Variants in FTO observed in about 807,000 individuals in gnomAD.
FTO encodes FTO alpha-ketoglutarate dependent dioxygenase.
In FTO, 47 loss-of-function variants were observed where a neutral mutation model predicts 63.9. The ratio of observed to expected loss-of-function variants is 0.74; its 90% CI spans 0.58 to 0.94. The LOEUF (loss-of-function observed/expected upper bound fraction) is 0.94, where lower values mean the gene tolerates loss of function less well. FTO is among the 40% of genes least tolerant of loss of function. The pLI, the probability that FTO is intolerant of heterozygous loss-of-function variation, is 0.00. For missense variants in FTO, 562 were observed against 618.1 expected (o/e 0.91, Z 0.96); for synonymous variants, 207 against 224.4 (o/e 0.92, Z 0.69).
At chr16:53,773,861 G>A (rs2077399688) in intron 1 of FTO, among the ~76,000 whole-genome samples, 1 of 152,150 alleles carries the variant, frequency 6.6e-6, no homozygotes, top group South Asian at 2.1e-4. Flanking sequence ...AATAGCTGCT[G>A]GAATAATTGG....
intron 1 of FTO, among the ~76,000 whole-genome samples, chr16:53,719,612 A>ACTATATTT (rs2075987587): frequency 6.9e-6 from 1 of 145,426 alleles, no homozygotes; most frequent in Non-Finnish European, 1.5e-5. Context: ...TTAAAAATTG[A>ACTATATTT]CTATATTTGC....
chr16:54,068,714 A>G (rs976012575), intron 8 of FTO, among the ~76,000 whole-genome samples: 4 of 152,106 alleles, frequency 2.6e-5, no homozygotes, highest in Non-Finnish European at 5.9e-5. Context: ...TTTACTACTT[A>G]CAATGGGGAT....
At chr16:53,774,169 A>T (rs566377143) in intron 1 of FTO, among the ~76,000 whole-genome samples, 1 of 152,248 alleles carries the variant, frequency 6.6e-6, no homozygotes, top group South Asian at 2.1e-4. Context: ...CTTTAGCTGG[A>T]CCACTAACTT....
intron 8 of FTO, among the ~76,000 whole-genome samples, chr16:53,944,686 T>C (rs770260290): frequency 6.6e-6 from 1 of 152,210 alleles, no homozygotes; most frequent in African/African-American, 2.4e-5. Context: ...TTTTCTCGTT[T>C]GTTATTTGCC....
At chr16:53,770,002 C>G (rs1318186174) in intron 1 of FTO, among the ~76,000 whole-genome samples, 2 of 152,002 alleles carry the variant, frequency 1.3e-5, no homozygotes, top group Non-Finnish European at 2.9e-5. Context: ...TGTTCACATT[C>G]CATTGGCCAG....
intron 6 of FTO, among the ~76,000 whole-genome samples, chr16:53,882,951 C>T (rs969888247): frequency 3.3e-5 from 5 of 152,098 alleles, no homozygotes; most frequent in Non-Finnish European, 2.9e-5. Context: ...ACTTGCTGCC[C>T]TTCATTGTGC....
At chr16:53,706,943 G>A (rs1231602396) in intron 1 of FTO, among the ~76,000 whole-genome samples, 2 of 152,188 alleles carry the variant, frequency 1.3e-5, no homozygotes, top group Admixed American at 1.3e-4. Flanking sequence ...TCACCTAAGA[G>A]TCTTTACATT....
At chr16:53,779,281 A>G (rs571608247) in intron 1 of FTO, among the ~76,000 whole-genome samples, 32 of 152,084 alleles carry the variant, frequency 2.1e-4, no homozygotes, top group Non-Finnish European at 4.4e-4. Context: ...GGGGCACATC[A>G]TTGCAACAAT....
At chr16:53,899,630 CAG>C (rs2081354309) in intron 7 of FTO, among the ~76,000 whole-genome samples, 2 of 152,154 alleles carry the variant, frequency 1.3e-5, no homozygotes, top group Admixed American at 1.3e-4. Flanking sequence ...ACACTTCAGA[CAG>C]ATCCCAGGAA....
intron 5 of FTO, among the ~76,000 whole-genome samples, chr16:53,875,281 A>ACGTC (rs899563618): frequency 1.2e-4 from 19 of 152,274 alleles, no homozygotes; most frequent in African/African-American, 4.3e-4. Context: ...GCGCCCTTCT[A>ACGTC]CGTCTTTCCT....
intron 1 of FTO, among the ~76,000 whole-genome samples, chr16:53,750,848 T>C (rs1225519744): frequency 6.6e-6 from 1 of 152,210 alleles, no homozygotes; most frequent in African/African-American, 2.4e-5. Context: ...TTGATTGAAT[T>C]GCACACAGAA....
chr16:53,789,753 C>CATATATATATAT (rs143403033), intron 1 of FTO, among the ~76,000 whole-genome samples: 6 of 147,192 alleles, frequency 4.1e-5, no homozygotes, highest in East Asian at 2.0e-4. Context: ...CTGGAACATA[C>CATATATATATAT]ATATATATAT....
chr16:53,840,026 A>G (rs1406810127), intron 3 of FTO, among the ~76,000 whole-genome samples: 2 of 151,840 alleles, frequency 1.3e-5, no homozygotes, highest in African/African-American at 4.8e-5. Context: ...GATGGTCTCA[A>G]TCTCCTGACC....
At chr16:53,948,231 A>T (rs908890952) in intron 8 of FTO, among the ~76,000 whole-genome samples, 1 of 152,174 alleles carries the variant, frequency 6.6e-6, no homozygotes, top group Non-Finnish European at 1.5e-5. Flanking sequence ...GGACACATGG[A>T]ATAGTGAATT....
intron 8 of FTO, among the ~76,000 whole-genome samples, chr16:53,969,935 C>T (rs987530102): frequency 4.6e-5 from 7 of 152,106 alleles, no homozygotes; most frequent in African/African-American, 1.2e-4. Flanking sequence ...TTGCTAAGCA[C>T]GGAGGAGGAG....
rs186044883 is a variant in FTO at position 53,997,103 on chromosome 16, A to G, written c.1364+62994A>G. Among the ~76,000 whole-genome samples, 184 of 150,166 alleles carry G rather than the reference A, an allele frequency of 1.2e-3. 1 individual carries two copies. The highest frequency in any genetic ancestry group is 2.2e-3 in the Non-Finnish European group (152 of 67,628). ...ACTCCAGGCAATGGAGTGGAGCAAG[A>G]CTCTATCTAAAGAAAAAAAAGAAAG... On this transcript the variant is annotated intron_variant, in intron 8 of 8. Transcript: ENST00000471389.
chr16:53,950,317 G>A (rs1259463644), intron 8 of FTO, among the ~76,000 whole-genome samples: 1 of 152,042 alleles, frequency 6.6e-6, no homozygotes, highest in African/African-American at 2.4e-5. Context: ...CCTCGTTACT[G>A]AGAAATTTAA....
chr16:53,734,645 G>A (rs2076348515), intron 1 of FTO, among the ~76,000 whole-genome samples: 1 of 152,240 alleles, frequency 6.6e-6, no homozygotes, highest in Admixed American at 6.5e-5. Flanking sequence ...TGTCTGGAAG[G>A]AGGAAGTTCT....
intron 7 of FTO, among the ~76,000 whole-genome samples, chr16:53,905,544 C>T (rs1433283840): frequency 6.6e-6 from 1 of 152,150 alleles, no homozygotes; most frequent in Non-Finnish European, 1.5e-5. Flanking sequence ...CCTGTTGCTC[C>T]TTAGACTCTC....
Sources: allele counts gnomAD v4.1 joint callset (sites outside exome capture counted in the v4.1 genomes callset), GRCh38; gene constraint gnomAD v4.1.1; transcripts MANE v1.5; gene names NCBI Gene and HGNC (gene_info 2026-07-23, HGNC 2026-07-21).